NCF4: variants seen among roughly 807,000 people sequenced by gnomAD.
NCF4 encodes neutrophil cytosol factor 4.
In NCF4, 30 loss-of-function variants were observed where a neutral mutation model predicts 41.7. The observed-to-expected ratio is 0.72, with a 90% CI of 0.54 to 0.97. The LOEUF (loss-of-function observed/expected upper bound fraction) is 0.97. NCF4 is among the 50% of genes least tolerant of loss of function. The pLI is 0.00. For synonymous variants in NCF4, 195 were observed against 175.8 expected (o/e 1.11, Z -0.87); for missense variants, 432 against 460.9 (o/e 0.94, Z 0.57).
chr22:36,876,127 A>G, intron 9 of NCF4, 33 bp downstream of exon 9: 1 of 1,566,886 alleles, frequency 6.4e-7, no homozygotes, highest in Non-Finnish European at 8.7e-7. Flanking sequence ...GGGGAGTTAG[A>G]TACTCTGGAG....
chr22:36,876,194 G>A, intron 9 of NCF4, 100 bp downstream of exon 9: 1 of 1,216,522 alleles, frequency 8.2e-7, no homozygotes, highest in Non-Finnish European at 1.1e-6. Flanking sequence ...GGTTTTGCGT[G>A]TACTTTGTCT....
chr22:36,870,022 T>A (rs930369495), intron 4 of NCF4: 8 of 330,560 alleles, frequency 2.4e-5, no homozygotes, highest in African/African-American at 6.5e-5. Flanking sequence ...CTTGAGCATA[T>A]CCCTTCACCT....
Position 36,867,481 on chromosome 22 carries a change from A to G in NCF4, c.342+19A>G. 6.2e-7 allele frequency: 1 copy of G among 1,613,654 alleles called. No individual in the cohort carries two copies. Among genetic ancestry groups the G allele is most frequent in the Non-Finnish European group, 8.5e-7 (1 of 1,179,652 alleles). The stretch of plus-strand genomic sequence containing the variant: ...CATGAAGGTACCAGTGGGCCTTGCC[A>G]CCTTGGCACGTGGAAGGGCATGCAG... On this transcript the variant is annotated intron_variant, in intron 4 of 9. Transcript: ENST00000248899.
chr22:36,872,374 A>T lies in NCF4; in HGVS notation c.576A>T (p.Lys192Asn). 6.2e-7 allele frequency: 1 copy of T among 1,613,872 alleles called. No homozygotes were observed. Among genetic ancestry groups the T allele is most frequent in the Non-Finnish European group, 8.5e-7 (1 of 1,179,688 alleles). The part of the protein sequence containing the change: ...TGNSKLELNF[K>N]AGDVIFLLSR... ...ACAGCAAACTGGAGCTGAATTTCAA[A>T]GCTGGAGATGTGATCTTCCTCCTCA... The change falls in exon 7 of 10, where the codon AAA becomes AAT. Residue 192 changes from lysine to asparagine, a missense_variant. Physicochemically the swap from Lys to Asn is moderately conservative, Grantham distance 94. Transcript: ENST00000248899.
chr22:36,870,336 C>A, intron 4 of NCF4, 79 bp from the exon 5 acceptor site: 1 of 1,598,886 alleles, frequency 6.3e-7, no homozygotes, highest in Non-Finnish European at 8.5e-7. Context: ...TGTCAGGGCT[C>A]GGGGACGGGA....
chr22:36,871,323 G>A (rs765044266), intron 5 of NCF4, among the ~76,000 whole-genome samples: 3 of 152,226 alleles, frequency 2.0e-5, no homozygotes, highest in Non-Finnish European at 4.4e-5. Context: ...ATTTACATCA[G>A]AGCTTGGTTG....
In NCF4 at chr22:36,870,483, C is replaced by T. The variant is rs1400167845; in HGVS notation, c.411C>T (p.Pro137=). ...TCCGGATCTTCTTTTACCAGTCGCC[C>T]TATGACTCAGAGCAGGTGCCCCAGG... is the stretch of plus-strand genomic sequence containing the variant. ...EDVRIFFYQS[P]YDSEQVPQAL... is the part of the protein sequence containing the mutation. Residue 137 remains proline, a synonymous_variant, in exon 5 of 10, where the codon CCC becomes CCT. Transcript: ENST00000248899. 6.2e-7 allele frequency: 1 copy of T among 1,613,884 alleles called. No homozygotes were observed. The highest frequency in any genetic ancestry group is 1.3e-5 in the African/African-American group (1 of 75,040).
intron 5 of NCF4, 39 bp downstream of exon 5, chr22:36,870,581 C>T (rs1200112029): frequency 6.2e-7 from 1 of 1,605,112 alleles, no homozygotes; most frequent in Non-Finnish European, 8.5e-7. Context: ...TGGCCAGAGC[C>T]CTGGGTCCCT....
chr22:36,877,550 T>C, intron 9 of NCF4, 78 bp from the exon 10 acceptor site: 1 of 1,500,346 alleles, frequency 6.7e-7, no homozygotes, highest in Non-Finnish European at 9.3e-7. Flanking sequence ...CTTCAGGACA[T>C]AAAACCCTTT....
Position 36,865,944 on chromosome 22 carries a change from G to A in NCF4, c.271+872G>A, listed in dbSNP as rs544055461. On this transcript the variant is annotated intron_variant, in intron 3 of 9. Transcript: ENST00000248899. The surrounding 1 kb of genome is among the most constrained non-coding windows in gnomAD (Gnocchi z 4.3). ...ACTCTAAGCCAGCCTCCCCTCTCAG[G>A]CTCCATCATTTTCCCTCCTCTCTCT... Among the ~76,000 whole-genome samples, 74 of 152,040 alleles carry A rather than the reference G, an allele frequency of 4.9e-4. No individual in the cohort carries two copies. Among genetic ancestry groups the A allele is most frequent in the African/African-American group, 1.8e-3 (73 of 41,480 alleles).
chr22:36,868,562 A>AGAGG (rs773935297), intron 4 of NCF4, among the ~76,000 whole-genome samples: 21 of 148,120 alleles, frequency 1.4e-4, no homozygotes, highest in Non-Finnish European at 2.4e-4. Context: ...TGAGCAGGGA[A>AGAGG]GAGGGAGGGA....
At position 36,865,407 on chromosome 22, in the gene NCF4, T is replaced by C. The variant is rs1197325979; in HGVS notation, c.271+335T>C. 6.6e-6 allele frequency among the ~76,000 whole-genome samples: 1 copy of C among 152,054 alleles called. No individual in the cohort carries two copies. The highest frequency in any genetic ancestry group is 1.5e-5 in the Non-Finnish European group (1 of 67,992). On this transcript the variant is annotated intron_variant, in intron 3 of 9. Coordinates refer to ENST00000248899, the MANE Select transcript of NCF4 (RefSeq NM_000631.5). The surrounding 1 kb of genome is among the most constrained non-coding windows in gnomAD (Gnocchi z 4.3). ...CCTCAGAGACAGGAATCCCCCAGTCTGGTCCCTAAACACACTGACTCACCT... is the reference window on the plus strand; with the variant it reads ...CCTCAGAGACAGGAATCCCCCAGTCCGGTCCCTAAACACACTGACTCACCT...
intron 4 of NCF4, 145 bp downstream of exon 4, chr22:36,867,607 G>C: frequency 1.2e-6 from 1 of 863,384 alleles, no homozygotes; most frequent in Non-Finnish European, 1.9e-6. Flanking sequence ...TAAAGGCCTG[G>C]TCTGGGGAGT....
At chr22:36,873,546 G>A (rs141149901) in intron 7 of NCF4, among the ~76,000 whole-genome samples, 4 of 152,202 alleles carry the variant, frequency 2.6e-5, no homozygotes, top group Non-Finnish European at 5.9e-5. Flanking sequence ...GGGAGCCTGC[G>A]GGAACAAAGC....
At chr22:36,862,286 G>A (rs1490215218) in intron 1 of NCF4, among the ~76,000 whole-genome samples, 3 of 152,222 alleles carry the variant, frequency 2.0e-5, no homozygotes, top group Non-Finnish European at 4.4e-5. Context: ...GGGGCTGGAA[G>A]TAGAACCTGA....
rs370754874 is a variant in NCF4 at position 36,865,071 on chromosome 22, A to T, written c.270A>T (p.Pro90=). The T allele has an allele frequency of 2.9e-5, 46 of 1,609,666 alleles. No homozygotes were observed. In the African/African-American group the frequency reaches 5.7e-4, roughly 20 times the overall value. Residue 90 remains proline (P), a splice_region_variant and synonymous_variant, in exon 3 of 10, where the codon CCA becomes CCT. Transcript: ENST00000248899. This position sits in a 1 kb window ranked among gnomAD's most constrained non-coding sequence, Gnocchi z 4.3. ...SALACTLPTL[P]AKVYVGVKQE... ...TGGCCTGTACCCTGCCCACACTCCCAGGTAGGCGGCCACTCCCGTCCTGCT... is the reference window on the plus strand; with the variant it reads ...TGGCCTGTACCCTGCCCACACTCCCTGGTAGGCGGCCACTCCCGTCCTGCT...
chr22:36,864,155 CCAA>C lies in NCF4; in HGVS notation c.117+31_117+33del, dbSNP rs566137288. The C allele has an allele frequency of 5.4e-3, 8,589 of 1,576,924 alleles. 29 individuals are homozygous for C. Among genetic ancestry groups the C allele is most frequent in the Non-Finnish European group, 6.3e-3 (7,271 of 1,146,626 alleles). On this transcript the variant is annotated intron_variant, in intron 2 of 9. Transcript: ENST00000248899. The stretch of plus-strand genomic sequence containing the variant: ...GTAAGACAGACTCCTAGTCCTTCAC[CCAA>C]CAACCTCTGAACTTCCACCCAGCTG...
intron 6 of NCF4, 21 bp downstream of exon 6, chr22:36,871,730 G>C (rs1156366916): frequency 6.4e-7 from 1 of 1,552,962 alleles, no homozygotes; most frequent in Admixed American, 2.0e-5. Flanking sequence ...CCCCCACGCT[G>C]GCCAGGCTCT....
chr22:36,877,676 G>A lies in NCF4; in HGVS notation c.873G>A (p.Glu291=). 1 of 1,614,230 alleles carries A rather than the reference G, an allele frequency of 6.2e-7. No homozygotes were observed. The highest frequency in any genetic ancestry group is 8.5e-7 in the Non-Finnish European group (1 of 1,180,042). Residue 291 remains glutamate (E), a synonymous_variant, in exon 10 of 10, where the codon GAG becomes GAA. Transcript: ENST00000248899. ...TAGCTCTGAATTACCGGGACGCTGA[G>A]GGGGATCTGGTTCGGCTGCTGTCGG... ...EDIALNYRDA[E]GDLVRLLSDE...
Sources: gnomAD v4.1 joint callset for allele counts (sites outside exome capture counted in the v4.1 genomes callset) on GRCh38, gnomAD v4.1.1 for gene constraint, Gnocchi (gnomAD v3.1) non-coding constraint, MANE v1.5 for transcripts, NCBI Gene and HGNC (gene_info 2026-07-23, HGNC 2026-07-21) for gene names.